The following CRTC3 variants were observed in gnomAD, a reference collection of about 807,000 sequenced individuals.
CRTC3 encodes CREB regulated transcription coactivator 3.
CRTC3 carries 26 observed loss-of-function variants against 74.5 expected under a neutral mutation model. The observed-to-expected ratio is 0.35, with a 90% confidence interval of 0.26 to 0.48. The LOEUF (loss-of-function observed/expected upper bound fraction) is 0.48, where lower values mean the gene tolerates loss of function less well. Among genes scored for constraint, CRTC3 ranks in the 20% least tolerant of loss-of-function variants. CRTC3 has a pLI of 0.99. For missense variants in CRTC3, 760 were observed against 787.3 expected, an observed-to-expected ratio of 0.97 and a Z score of 0.41; for synonymous variants, 377 against 325.8, an observed-to-expected ratio of 1.16 and a Z score of -1.69.
chr15:90,558,793 C>T (rs1966950840), intron 2 of CRTC3, among the ~76,000 whole-genome samples: 1 of 151,824 alleles, frequency 6.6e-6, no homozygotes, highest in African/African-American at 2.4e-5. Context: ...GCTCTGTCGC[C>T]CAGGCTGGCG....
chr15:90,629,171 T>A (rs1968943947), intron 10 of CRTC3, 63 bp from the exon 11 acceptor site: 1 of 1,504,044 alleles, frequency 6.6e-7, no homozygotes, highest in Non-Finnish European at 9.0e-7. Flanking sequence ...TTTTCTTTCA[T>A]TTTTGGAATA....
In CRTC3 at chr15:90,555,779, A is replaced by C. The variant is rs185966109; in HGVS notation, c.231+15642A>C. ...TGATCTGCCTGCCTTGGCCTCCCCA[A>C]AGTGCTGGGATTTCAGGTGTGAGCC... On this transcript the variant is annotated intron_variant, in intron 2 of 14. Transcript: ENST00000268184. Among the ~76,000 whole-genome samples the C allele has an allele frequency of 3.2e-3, 489 of 152,294 alleles. 2 individuals are homozygous for C. The highest frequency in any genetic ancestry group is 0.011 in the African/African-American group (444 of 41,562).
intron 1 of CRTC3, 82 bp from the exon 2 acceptor site, chr15:90,539,957 T>C (rs1966776817): frequency 4.3e-6 from 4 of 930,416 alleles, no homozygotes; most frequent in Non-Finnish European, 6.9e-6. Context: ...CTTGAACCGT[T>C]CCCCTACAAA....
Position 90,644,169 on chromosome 15 carries a change from C to G in CRTC3, c.*2029C>G, listed in dbSNP as rs1969547586. ...GCTCAGGAAGGGCCTGCTGGCCTGC[C>G]CTGTTCCCAGTTACACTTTCAGATC... On this transcript the variant is annotated 3_prime_UTR_variant, in exon 15 of 15. Coordinates refer to ENST00000268184, the MANE Select transcript of CRTC3 (RefSeq NM_022769.5). 3 of 228,062 alleles carry G rather than the reference C, an allele frequency of 1.3e-5. No individual in the cohort carries two copies. The highest frequency in any genetic ancestry group is 2.6e-5 in the Non-Finnish European group (3 of 114,866). The allele number at this position is 228,062 out of a possible 1,614,324, so 14.1% of individuals were successfully genotyped here.
chr15:90,537,777 C>T (rs189144218), intron 1 of CRTC3, among the ~76,000 whole-genome samples: 1 of 152,228 alleles, frequency 6.6e-6, no homozygotes, highest in Admixed American at 6.5e-5. Context: ...TGGGTTCAAG[C>T]AATTCTTCTG....
chr15:90,539,309 A>C (rs2151055696), intron 1 of CRTC3, among the ~76,000 whole-genome samples: 1 of 152,326 alleles, frequency 6.6e-6, no homozygotes, highest in Admixed American at 6.5e-5. Flanking sequence ...AAGCATATTA[A>C]AATGGTGGGA....
In CRTC3 at chr15:90,593,730, G is replaced by A. The variant is rs1359269101; in HGVS notation, c.326G>A (p.Arg109Lys). The change falls in exon 3 of 15, where the codon AGG (arginine) becomes AAG (lysine). Residue 109 changes from arginine (R) to lysine (K), a missense_variant. By Grantham distance (26) the Arg-to-Lys change is conservative. Around this residue, in one of 2 missense-constraint regions of CRTC3, gnomAD observed 652 missense variants for 635.2 expected, o/e 1.03. Coordinates refer to ENST00000268184, the MANE Select transcript of CRTC3 (RefSeq NM_022769.5). ...SRNRFHPLHR[R>K]SGDKPGRQFD... is the part of the protein sequence containing the mutation. ...AACCGCTTCCACCCCCTCCACCGAAGGTCTGGGGACAAGCCAGGGCGACAA... is the reference window on the plus strand; with the variant it reads ...AACCGCTTCCACCCCCTCCACCGAAAGTCTGGGGACAAGCCAGGGCGACAA... 1 of 1,609,324 alleles carries A rather than the reference G, an allele frequency of 6.2e-7. No homozygotes were observed. The highest frequency in any genetic ancestry group is 1.1e-5 in the South Asian group (1 of 90,780).
intron 11 of CRTC3, among the ~76,000 whole-genome samples, chr15:90,632,334 G>A (rs1332690600): frequency 6.6e-6 from 1 of 151,844 alleles, no homozygotes; most frequent in Non-Finnish European, 1.5e-5. Context: ...CAGTTGTTCT[G>A]ACTGTAATCC....
At chr15:90,617,721 G>A (rs1202433920) in intron 7 of CRTC3, among the ~76,000 whole-genome samples, 162 bp from the exon 8 acceptor site, 3 of 152,112 alleles carry the variant, frequency 2.0e-5, no homozygotes, top group East Asian at 1.9e-4. Flanking sequence ...GTAGAGACGG[G>A]GGTCTCACTA....
chr15:90,549,355 C>A (rs531131943), intron 2 of CRTC3, among the ~76,000 whole-genome samples: 16 of 151,752 alleles, frequency 1.1e-4, no homozygotes, highest in Non-Finnish European at 2.1e-4. Context: ...CAAATAAATT[C>A]TCAGTAAATT....
chr15:90,561,281 G>T (rs919228333), intron 2 of CRTC3, among the ~76,000 whole-genome samples: 8 of 152,098 alleles, frequency 5.3e-5, no homozygotes, highest in Non-Finnish European at 1.2e-4. Flanking sequence ...TAGATTGTTG[G>T]TACCATTTGC....
chr15:90,581,153 G>A lies in CRTC3; in HGVS notation c.232-12483G>A, dbSNP rs115192500. On this transcript the variant is annotated intron_variant, in intron 2 of 14. Coordinates refer to ENST00000268184, the MANE Select transcript of CRTC3 (RefSeq NM_022769.5). ...CTAGATGGCCTTTGGTGAGGATGCT[G>A]TCTGGTTGCATTGGCTGGCCCGGAA... 4.8e-3 allele frequency among the ~76,000 whole-genome samples: 727 copies of A among 152,284 alleles called. 4 individuals are homozygous for A. The highest frequency in any genetic ancestry group is 0.017 in the African/African-American group (703 of 41,554).
chr15:90,627,956 T>G (rs1480660610), intron 10 of CRTC3, among the ~76,000 whole-genome samples: 14 of 141,690 alleles, frequency 9.9e-5, no homozygotes, highest in South Asian at 2.6e-4. Context: ...GGTGGCTCAC[T>G]CCTGTAATCC....
At chr15:90,616,488 G>T (rs1312087513) in intron 7 of CRTC3, among the ~76,000 whole-genome samples, 1 of 152,090 alleles carries the variant, frequency 6.6e-6, no homozygotes, top group African/African-American at 2.4e-5. Context: ...ACTTCTTTCT[G>T]GGGTCCATTA....
chr15:90,619,227 C>T (rs1026034667), intron 8 of CRTC3, among the ~76,000 whole-genome samples: 5 of 152,112 alleles, frequency 3.3e-5, no homozygotes, highest in Admixed American at 1.3e-4. Context: ...GAGGCCGAGG[C>T]GGGTGGATCA....
chr15:90,568,628 G>GA (rs35443744), intron 2 of CRTC3, among the ~76,000 whole-genome samples: 101,186 of 152,066 alleles, frequency 0.67, 35,121 homozygotes, highest in Non-Finnish European at 0.77. Flanking sequence ...TGGGATTACA[G>GA]ACCTATTGAC....
intron 6 of CRTC3, among the ~76,000 whole-genome samples, chr15:90,611,687 C>T (rs1214728172): frequency 2.6e-5 from 4 of 152,102 alleles, no homozygotes; most frequent in Admixed American, 6.5e-5. Context: ...TTCATTTTAT[C>T]CCAGCAGTAT....
chr15:90,618,002 A>G (rs374979539), intron 8 of CRTC3, 34 bp downstream of exon 8: 3 of 1,403,360 alleles, frequency 2.1e-6, no homozygotes, highest in Non-Finnish European at 3.0e-6. Flanking sequence ...GTTTGTTGTC[A>G]CTGAATGTTT....
intron 8 of CRTC3, among the ~76,000 whole-genome samples, chr15:90,619,455 A>C (rs1238317526): frequency 6.6e-6 from 1 of 152,198 alleles, no homozygotes; most frequent in Non-Finnish European, 1.5e-5. Flanking sequence ...GAAACTCCGT[A>C]AAAAGCTCTA....
Sources: allele counts gnomAD v4.1 joint callset (sites outside exome capture counted in the v4.1 genomes callset), GRCh38; gene constraint gnomAD v4.1.1; regional missense constraint gnomAD v4.1.1; transcripts MANE v1.5; gene names NCBI Gene and HGNC (gene_info 2026-07-23, HGNC 2026-07-21).